Variants in ZBTB44 observed in about 807,000 individuals in gnomAD.
ZBTB44 encodes the protein zinc finger and BTB domain containing 44, also known as zinc finger and BTB domain-containing protein 44.
ZBTB44 carries 15 observed loss-of-function variants against 54.0 expected under a neutral mutation model. The observed-to-expected ratio is 0.28, with a 90% confidence interval of 0.19 to 0.43. The LOEUF (loss-of-function observed/expected upper bound fraction) is 0.43, where lower values mean the gene tolerates loss of function less well. Among genes scored for constraint, ZBTB44 ranks in the 20% least tolerant of loss-of-function variants. ZBTB44 has a pLI of 1.00. For missense variants in ZBTB44, 487 were observed against 707.1 expected (o/e 0.69, Z 3.53); for synonymous variants, 230 against 250.1 (o/e 0.92, Z 0.76).
chr11:130,266,497 G>C (rs566063183), intron 1 of ZBTB44, among the ~76,000 whole-genome samples: 1 of 152,300 alleles, frequency 6.6e-6, no homozygotes, highest in African/African-American at 2.4e-5. Context: ...GGCTATAGCT[G>C]CCATAGATAC....
rs570604977 is a variant in ZBTB44, at chr11:130,228,664, T to C, written c.*3100A>G. The C allele has an allele frequency of 1.6e-4, 25 of 152,226 alleles. No homozygotes were observed. The highest frequency in any genetic ancestry group is 3.4e-4 in the Non-Finnish European group (23 of 68,044). 9.4% of individuals were successfully genotyped at this position (152,226 alleles called of 1,614,324 possible). Reference sequence around the variant, plus strand: ...ATTTATCCTTCCTCAGCAGGTGATGTACTTTGGTAACCTCAACATTCATTT... The same window carrying C: ...ATTTATCCTTCCTCAGCAGGTGATGCACTTTGGTAACCTCAACATTCATTT... On this transcript the variant is annotated 3_prime_UTR_variant, in exon 8 of 8. Coordinates refer to ENST00000357899, the MANE Select transcript of ZBTB44 (RefSeq NM_001301098.2).
At chr11:130,273,944 T>C (rs913274079) in intron 1 of ZBTB44, among the ~76,000 whole-genome samples, 3 of 149,838 alleles carry the variant, frequency 2.0e-5, no homozygotes, top group African/African-American at 7.4e-5. Flanking sequence ...AAAAATTAGT[T>C]TGACGTGGTG....
intron 1 of ZBTB44, among the ~76,000 whole-genome samples, chr11:130,283,009 T>C (rs922862891): frequency 6.7e-6 from 1 of 148,858 alleles, no homozygotes; most frequent in Non-Finnish European, 1.5e-5. Flanking sequence ...TTAAAAAAAA[T>C]ATAAAATAAA....
At chr11:130,243,815 T>C (rs1158958424) in intron 2 of ZBTB44, among the ~76,000 whole-genome samples, 2 of 152,206 alleles carry the variant, frequency 1.3e-5, no homozygotes, top group Non-Finnish European at 2.9e-5. Flanking sequence ...AGAGTTGTGT[T>C]GCTCCATATC....
intron 1 of ZBTB44, among the ~76,000 whole-genome samples, chr11:130,294,067 G>A (rs1941478271): frequency 6.6e-6 from 1 of 152,112 alleles, no homozygotes; most frequent in Non-Finnish European, 1.5e-5. Context: ...CCCACCAAGT[G>A]TCACTATCTC....
rs1189584804 is a variant in ZBTB44 at position 130,228,060 on chromosome 11, A to G, written c.*3704T>C. 1 of 152,222 alleles carries G rather than the reference A, an allele frequency of 6.6e-6. No individual in the cohort carries two copies. Among genetic ancestry groups the G allele is most frequent in the Non-Finnish European group, 1.5e-5 (1 of 68,040 alleles). The allele number at this position is 152,222 out of a possible 1,614,324, so 9.4% of individuals were successfully genotyped here. On this transcript the variant is annotated 3_prime_UTR_variant, in exon 8 of 8. Coordinates refer to ENST00000357899, the MANE Select transcript of ZBTB44 (RefSeq NM_001301098.2). ...TGGCTTTTGAAAAGATAGTAGAGGC[A>G]CAAAGAAGCCATATACTATCCTCCA...
At chr11:130,266,226 C>A (rs1448790257) in intron 1 of ZBTB44, among the ~76,000 whole-genome samples, 1 of 152,226 alleles carries the variant, frequency 6.6e-6, no homozygotes, top group Non-Finnish European at 1.5e-5. Flanking sequence ...TGAAACAACA[C>A]AGCCTGATGA....
intron 1 of ZBTB44, among the ~76,000 whole-genome samples, chr11:130,294,936 T>C (rs967359068): frequency 6.6e-6 from 1 of 152,174 alleles, no homozygotes; most frequent in African/African-American, 2.4e-5. Flanking sequence ...TAAAGAGTTT[T>C]TAAGCGTCCA....
intron 1 of ZBTB44, among the ~76,000 whole-genome samples, chr11:130,280,404 G>T (rs142341092): frequency 1.3e-5 from 2 of 152,068 alleles, no homozygotes; most frequent in African/African-American, 2.4e-5. Context: ...CTCATCAAGT[G>T]AAACAATTCT....
intron 1 of ZBTB44, among the ~76,000 whole-genome samples, chr11:130,262,478 T>C (rs907068494): frequency 1.3e-5 from 2 of 152,118 alleles, no homozygotes; most frequent in Non-Finnish European, 2.9e-5. Context: ...GCTGCAACAG[T>C]TTGTAAATAA....
intron 1 of ZBTB44, among the ~76,000 whole-genome samples, chr11:130,307,827 G>T (rs1004013648): frequency 6.6e-6 from 1 of 152,126 alleles, no homozygotes; most frequent in African/African-American, 2.4e-5. Context: ...CCAGGTTCAA[G>T]CAATTCTCCT....
intron 1 of ZBTB44, among the ~76,000 whole-genome samples, chr11:130,272,877 T>C (rs1939778845): frequency 6.6e-6 from 1 of 152,198 alleles, no homozygotes; most frequent in South Asian, 2.1e-4. Context: ...TGAACACAAA[T>C]AGGTTTATAT....
rs974294553 is a variant in ZBTB44, at chr11:130,228,098, G to C, written c.*3666C>G. 5 of 152,170 alleles carry C rather than the reference G, an allele frequency of 3.3e-5. No individual in the cohort carries two copies. Among genetic ancestry groups the C allele is most frequent in the Non-Finnish European group, 4.4e-5 (3 of 68,034 alleles). The allele number at this position is 152,170 out of a possible 1,614,324, so 9.4% of individuals were successfully genotyped here. A position where few individuals can be genotyped will look rare whatever the true frequency, so the allele number is the denominator to read the frequency against. ...ATACTATCCTCCAAGTTGGACATAA[G>C]GTGCCACAAGGCTGCCCTACAAAGA... On this transcript the variant is annotated 3_prime_UTR_variant, in exon 8 of 8. Coordinates refer to ENST00000357899, the MANE Select transcript of ZBTB44 (RefSeq NM_001301098.2).
At chr11:130,269,541 C>G (rs943747406) in intron 1 of ZBTB44, among the ~76,000 whole-genome samples, 2 of 152,072 alleles carry the variant, frequency 1.3e-5, no homozygotes, top group African/African-American at 2.4e-5. Context: ...TGAAATACTG[C>G]TATCACACAT....
At chr11:130,248,284 A>G (rs1471235615) in intron 2 of ZBTB44, among the ~76,000 whole-genome samples, 1 of 152,184 alleles carries the variant, frequency 6.6e-6, no homozygotes, top group Admixed American at 6.5e-5. Flanking sequence ...TTAGTATGCA[A>G]GTTTGGAGTT....
At chr11:130,254,427 C>T (rs946802667) in intron 2 of ZBTB44, among the ~76,000 whole-genome samples, 1 of 152,200 alleles carries the variant, frequency 6.6e-6, no homozygotes, top group African/African-American at 2.4e-5. Flanking sequence ...TATGAACAGA[C>T]ACTTCTCTAA....
chr11:130,294,115 T>A (rs858699), intron 1 of ZBTB44, among the ~76,000 whole-genome samples: 100,085 of 151,948 alleles, frequency 0.66, 33,635 homozygotes, highest in Admixed American at 0.74. Context: ...GGATTTTTTA[T>A]ATCCAGTTAT....
intron 2 of ZBTB44, among the ~76,000 whole-genome samples, chr11:130,244,545 T>C (rs1459193372): frequency 2.0e-5 from 3 of 151,570 alleles, no homozygotes; most frequent in Non-Finnish European, 4.4e-5. Context: ...CGGGTGCCTG[T>C]AGTCCCAGCT....
At chr11:130,266,327 T>C (rs1019147383) in intron 1 of ZBTB44, among the ~76,000 whole-genome samples, 3 of 152,256 alleles carry the variant, frequency 2.0e-5, no homozygotes, top group Non-Finnish European at 4.4e-5. Context: ...AGTATATTAC[T>C]GCTTTCCAAC....
Sources: allele counts gnomAD v4.1 joint callset (sites outside exome capture counted in the v4.1 genomes callset), GRCh38; gene constraint gnomAD v4.1.1; transcripts MANE v1.5; gene names NCBI Gene and HGNC (gene_info 2026-07-23, HGNC 2026-07-21).